ENTREP2: variants seen among roughly 807,000 people sequenced by gnomAD.
ENTREP2 encodes protein ENTREP2.
chr15:29,198,274 A>G, the ENTREP2 span, among the ~76,000 whole-genome samples: 1 of 152,230 alleles, frequency 6.6e-6, no homozygotes, highest in Admixed American at 6.5e-5. Context: ...TACAGCAGGA[A>G]AAGAACAGAT....
chr15:29,403,436 T>TA, the ENTREP2 span, among the ~76,000 whole-genome samples: 7 of 152,128 alleles, frequency 4.6e-5, no homozygotes, highest in African/African-American at 1.7e-4. Flanking sequence ...GGCACAATAA[T>TA]AAAAACAATG....
At chr15:29,315,649 G>A in the ENTREP2 span, among the ~76,000 whole-genome samples, 86 of 152,102 alleles carry the variant, frequency 5.7e-4, no homozygotes, top group South Asian at 0.011. Flanking sequence ...CTCTCTAACC[G>A]GAAAGTTGAG....
the ENTREP2 span, among the ~76,000 whole-genome samples, chr15:29,256,990 T>A: frequency 1.3e-5 from 2 of 152,010 alleles, no homozygotes; most frequent in African/African-American, 2.4e-5. Context: ...CCCTATTCCC[T>A]TCTACAACTG....
the ENTREP2 span, among the ~76,000 whole-genome samples, chr15:29,322,548 G>A: frequency 1.3e-5 from 2 of 152,236 alleles, no homozygotes; most frequent in Non-Finnish European, 2.9e-5. Flanking sequence ...TAAGTTGGAA[G>A]CTGAGTCACA....
the ENTREP2 span, among the ~76,000 whole-genome samples, chr15:29,141,309 TTCTGATCCTGTGAG>T: frequency 6.6e-6 from 1 of 152,174 alleles, no homozygotes; most frequent in Non-Finnish European, 1.5e-5. Context: ...GTGAGCACAT[TTCTGATCCTGTGAG>T]TCTCAGTCCC....
At chr15:29,261,781 A>G in the ENTREP2 span, among the ~76,000 whole-genome samples, 2 of 152,168 alleles carry the variant, frequency 1.3e-5, no homozygotes, top group Admixed American at 6.5e-5. Flanking sequence ...ATCAAAACAG[A>G]TATTAGGAAA....
At chr15:29,369,436 A>T in the ENTREP2 span, among the ~76,000 whole-genome samples, 23 of 152,160 alleles carry the variant, frequency 1.5e-4, no homozygotes, top group Non-Finnish European at 2.5e-4. Context: ...CAAGAAAAAA[A>T]AAAGTGTAAA....
At chr15:29,478,867 ACTCTG>A in the ENTREP2 span, among the ~76,000 whole-genome samples, 3 of 136,368 alleles carry the variant, frequency 2.2e-5, no homozygotes, top group Non-Finnish European at 4.6e-5. Context: ...ATCTTTTGAG[ACTCTG>A]TCTCAAAAAA....
chr15:29,463,312 G>C, the ENTREP2 span, among the ~76,000 whole-genome samples: 1 of 152,028 alleles, frequency 6.6e-6, no homozygotes, highest in Non-Finnish European at 1.5e-5. Flanking sequence ...CTGAAACCCA[G>C]TCCCTGGAGA....
chr15:29,519,140 T>TTC, the ENTREP2 span, among the ~76,000 whole-genome samples: 569 of 149,438 alleles, frequency 3.8e-3, 2 homozygotes, highest in African/African-American at 8.4e-3. Context: ...ATACACCTCT[T>TTC]TCTCTCTCTC....
At chr15:29,595,252 CAAAAATAAAA>C in the ENTREP2 span, among the ~76,000 whole-genome samples, 4 of 126,270 alleles carry the variant, frequency 3.2e-5, no homozygotes, top group African/African-American at 1.3e-4. Context: ...AACTCCGTCT[CAAAAATAAAA>C]TAAAATAAAA....
the ENTREP2 span, among the ~76,000 whole-genome samples, chr15:29,207,326 C>A: frequency 6.6e-6 from 1 of 152,070 alleles, no homozygotes; most frequent in Non-Finnish European, 1.5e-5. Context: ...CGCAGACGTT[C>A]CCAGCGAGTG....
At chr15:29,153,674 G>T in the ENTREP2 span, among the ~76,000 whole-genome samples, 6 of 152,324 alleles carry the variant, frequency 3.9e-5, no homozygotes, top group South Asian at 2.1e-4. Context: ...TAATGTTCTT[G>T]AGATCCAACT....
At chr15:29,272,662 G>GA in the ENTREP2 span, among the ~76,000 whole-genome samples, 1 of 152,174 alleles carries the variant, frequency 6.6e-6, no homozygotes, top group Non-Finnish European at 1.5e-5. Flanking sequence ...AATCTATGCA[G>GA]AATGGGGTGG....
the ENTREP2 span, among the ~76,000 whole-genome samples, chr15:29,567,184 C>G: frequency 6.6e-6 from 1 of 152,134 alleles, no homozygotes; most frequent in Non-Finnish European, 1.5e-5. Flanking sequence ...GGTCCTCAAA[C>G]AATGGAAACT....
At chr15:29,381,455 CAAAAAAAAAAAA>C in the ENTREP2 span, among the ~76,000 whole-genome samples, 5 of 44,314 alleles carry the variant, frequency 1.1e-4, no homozygotes. Flanking sequence ...GACTCTGTCT[CAAAAAAAAAAAA>C]AAAAAAAAAA....
chr15:29,221,376 A>AT, the ENTREP2 span, among the ~76,000 whole-genome samples: 1 of 151,824 alleles, frequency 6.6e-6, no homozygotes, highest in Non-Finnish European at 1.5e-5. Context: ...TAATTTTTGT[A>AT]TTTTTAGTAG....
At chr15:29,384,191 C>G in the ENTREP2 span, among the ~76,000 whole-genome samples, 1 of 152,198 alleles carries the variant, frequency 6.6e-6, no homozygotes, top group Non-Finnish European at 1.5e-5. Flanking sequence ...CCGGAGCTCT[C>G]ACCATCATTT....
At chr15:29,271,692 C>T in the ENTREP2 span, among the ~76,000 whole-genome samples, 4 of 152,272 alleles carry the variant, frequency 2.6e-5, no homozygotes, top group South Asian at 4.1e-4. Flanking sequence ...TGATCAATCA[C>T]GACCCTTTCA....
Sources: gnomAD v4.1 joint callset for allele counts (sites outside exome capture counted in the v4.1 genomes callset) on GRCh38, gnomAD v4.1.1 for gene constraint, MANE v1.5 for transcripts, NCBI Gene and HGNC (gene_info 2026-07-23, HGNC 2026-07-21) for gene names.